KDM4B: variants seen among roughly 807,000 people sequenced by gnomAD.
KDM4B encodes lysine demethylase 4B.
Under a neutral mutation model 125.2 loss-of-function variants are expected in KDM4B, and 32 were observed. The observed-to-expected ratio is 0.26, with a 90% CI of 0.19 to 0.34. KDM4B has a LOEUF of 0.34. Ranked by LOEUF, KDM4B falls within the 10% of genes least tolerant of loss-of-function variation. KDM4B has a pLI of 1.00. For missense variants in KDM4B, 1,190 were observed against 1,577.7 expected, an observed-to-expected ratio of 0.75 and a Z score of 4.16; for synonymous variants, 721 against 677.9, an observed-to-expected ratio of 1.06 and a Z score of -0.99.
rs576852977 is a variant in KDM4B at position 4,974,332 on chromosome 19, G to T, written c.-109+5102G>T. Among the ~76,000 whole-genome samples, 296 of 152,086 alleles carry T rather than the reference G, an allele frequency of 1.9e-3. 1 individual carries two copies. Among genetic ancestry groups the T allele is most frequent in the African/African-American group, 6.7e-3 (279 of 41,462 alleles). ...CAGGAGAATGGTGTGAACCCGAGAG[G>T]CGGAGCTTGCAGTGAGTTGAGATCG... On this transcript the variant is annotated intron_variant, in intron 1 of 22. Transcript: ENST00000159111.
At chr19:4,996,985 A>G (rs551327334) in intron 1 of KDM4B, among the ~76,000 whole-genome samples, 44 of 152,024 alleles carry the variant, frequency 2.9e-4, no homozygotes, top group African/African-American at 1.0e-3. Context: ...CAGACCTCCC[A>G]GTGTTCCCTG....
At chr19:5,045,304 G>A (rs557690083) in intron 5 of KDM4B, among the ~76,000 whole-genome samples, 6 of 152,300 alleles carry the variant, frequency 3.9e-5, no homozygotes, top group Admixed American at 1.3e-4. Flanking sequence ...GGCTGCCTTC[G>A]CGGCGGGGCC....
chr19:5,006,682 A>AACCTCAGCTT (rs1436082454), intron 1 of KDM4B, among the ~76,000 whole-genome samples: 6 of 151,814 alleles, frequency 4.0e-5, no homozygotes, highest in Non-Finnish European at 7.4e-5. Context: ...CTGAGGCGGG[A>AACCTCAGCTT]GAATTGCTTG....
At chr19:5,107,824 G>A (rs75011028) in intron 9 of KDM4B, among the ~76,000 whole-genome samples, 17 of 152,300 alleles carry the variant, frequency 1.1e-4, no homozygotes, top group African/African-American at 3.9e-4. Context: ...ACTCAGAAGC[G>A]ACTACCCTGT....
intron 11 of KDM4B, among the ~76,000 whole-genome samples, chr19:5,121,280 A>G (rs1015118651): frequency 3.9e-5 from 6 of 152,114 alleles, no homozygotes; most frequent in African/African-American, 1.4e-4. Context: ...CTGACGGACC[A>G]CTTACTCGGT....
chr19:5,108,949 C>A (rs1204770864), intron 9 of KDM4B, among the ~76,000 whole-genome samples: 1 of 152,226 alleles, frequency 6.6e-6, no homozygotes, highest in Non-Finnish European at 1.5e-5. Context: ...GGCCCTCCCC[C>A]ATGCCTGTGG....
chr19:4,973,182 G>A (rs190525294), intron 1 of KDM4B, among the ~76,000 whole-genome samples: 1 of 152,290 alleles, frequency 6.6e-6, no homozygotes, highest in African/African-American at 2.4e-5. Context: ...TGTGCTAGTT[G>A]CACATACTTT....
At chr19:5,059,723 T>C (rs2037524224) in intron 6 of KDM4B, among the ~76,000 whole-genome samples, 1 of 152,236 alleles carries the variant, frequency 6.6e-6, no homozygotes, top group Non-Finnish European at 1.5e-5. Flanking sequence ...GTCACCGTGT[T>C]TCCTCATGAG....
Position 5,137,656 on chromosome 19 carries a change from G to C in KDM4B, c.2421G>C (p.Leu807=), listed in dbSNP as rs757266434. Residue 807 remains leucine (L), a synonymous_variant, in exon 17 of 23, where the codon CTG becomes CTC. Transcript: ENST00000159111. ...CCLCNLRGGA[L]QMTTDRRWIH... The stretch of plus-strand genomic sequence containing the variant: ...TGTGCAACCTGCGAGGAGGTGCGCT[G>C]CAGATGACCACCGATAGGAGGTGGG... The C allele has an allele frequency of 1.3e-6, 2 of 1,596,878 alleles. No individual in the cohort carries two copies. The highest frequency in any genetic ancestry group is 4.5e-5 in the East Asian group (2 of 44,742).
At chr19:5,012,050 G>C (rs1192244734) in intron 1 of KDM4B, among the ~76,000 whole-genome samples, 3 of 152,294 alleles carry the variant, frequency 2.0e-5, no homozygotes, top group East Asian at 3.9e-4. Context: ...GTTGTCGTCC[G>C]ATGCCTTGGG....
chr19:5,147,656 T>C (rs923723989), intron 21 of KDM4B, among the ~76,000 whole-genome samples: 2 of 146,984 alleles, frequency 1.4e-5, no homozygotes, highest in Non-Finnish European at 3.0e-5. Flanking sequence ...GGTGGGAGGA[T>C]CACTTGAGCC....
chr19:5,040,074 C>A, intron 4 of KDM4B, 63 bp downstream of exon 4: 3 of 1,505,734 alleles, frequency 2.0e-6, no homozygotes, highest in South Asian at 1.2e-5. Context: ...CTCATGGGGG[C>A]CCTGGGGGCA....
chr19:5,028,224 G>A (rs1385510630), intron 2 of KDM4B, among the ~76,000 whole-genome samples: 4 of 152,104 alleles, frequency 2.6e-5, no homozygotes, highest in East Asian at 1.9e-4. Flanking sequence ...CACCCCTCCC[G>A]CCTCAGCCCC....
intron 1 of KDM4B, among the ~76,000 whole-genome samples, chr19:5,010,567 GC>G (rs1472027174): frequency 6.6e-6 from 1 of 152,192 alleles, no homozygotes; most frequent in Non-Finnish European, 1.5e-5. Context: ...TTTATGTTAT[GC>G]TTATTCCTTT....
chr19:5,148,507 G>A (rs1388168382), intron 21 of KDM4B, among the ~76,000 whole-genome samples: 1 of 152,222 alleles, frequency 6.6e-6, no homozygotes. Flanking sequence ...TCCTGGCAAG[G>A]CTGCTTCTGT....
intron 10 of KDM4B, among the ~76,000 whole-genome samples, chr19:5,116,221 C>T (rs953448838): frequency 7.2e-5 from 6 of 83,050 alleles, no homozygotes; most frequent in African/African-American, 2.9e-4. Flanking sequence ...GGCAACATAG[C>T]AAGACCACAT....
chr19:5,136,545 G>A (rs867633498), intron 15 of KDM4B, among the ~76,000 whole-genome samples: 3 of 152,108 alleles, frequency 2.0e-5, no homozygotes, highest in East Asian at 1.9e-4. Context: ...ATGTGCCCCC[G>A]GGGCAGATGG....
chr19:5,027,230 G>A (rs1317710637), intron 2 of KDM4B, among the ~76,000 whole-genome samples: 4 of 152,216 alleles, frequency 2.6e-5, no homozygotes, highest in African/African-American at 9.6e-5. Context: ...TTTGTGCCAG[G>A]GCTGCTAAAC....
At chr19:5,140,015 CTG>C (rs1305142704) in intron 18 of KDM4B, among the ~76,000 whole-genome samples, 2 of 152,216 alleles carry the variant, frequency 1.3e-5, no homozygotes, top group African/African-American at 2.4e-5. Flanking sequence ...CTCGACCTCT[CTG>C]TGCCTCGGCC....
Sources: gnomAD v4.1 joint callset for allele counts (sites outside exome capture counted in the v4.1 genomes callset) on GRCh38, gnomAD v4.1.1 for gene constraint, MANE v1.5 for transcripts, NCBI Gene and HGNC (gene_info 2026-07-23, HGNC 2026-07-21) for gene names.